VPS53: variants seen among roughly 807,000 people sequenced by gnomAD.
The protein encoded by VPS53 is VPS53 subunit of GARP complex, also known as vacuolar protein sorting-associated protein 53 homolog.
A neutral mutation model predicts 107.0 loss-of-function variants in VPS53; 70 were observed. The observed-to-expected ratio is 0.65, with a 90% CI of 0.54 to 0.80. The LOEUF is 0.80. Among genes scored for constraint, VPS53 ranks in the 30% least tolerant of loss-of-function variants. The probability of loss-of-function intolerance (pLI) is 0.00; values close to 1 mark genes in which losing one functional copy is unlikely to be tolerated. For missense variants in VPS53, 917 were observed against 1,049.4 expected (o/e 0.87, Z 1.74); for synonymous variants, 409 against 393.3 (o/e 1.04, Z -0.47).
Position 607,798 on chromosome 17 carries a change from T to C in VPS53, c.1117-5902A>G, listed in dbSNP as rs117020358. Reference sequence around the variant, plus strand: ...ATATAGCAAGTTAATCCCTACTGATTAAATCACAGGGGATTCCCAGCACCT... The same window carrying C: ...ATATAGCAAGTTAATCCCTACTGATCAAATCACAGGGGATTCCCAGCACCT... On this transcript the variant is annotated intron_variant, in intron 11 of 21. Coordinates refer to ENST00000437048, the MANE Select transcript of VPS53 (RefSeq NM_001128159.3). 1.6e-4 allele frequency among the ~76,000 whole-genome samples: 24 copies of C among 152,262 alleles called. No homozygotes were observed. The East Asian group carries it at 4.2e-3, about 27-fold the overall frequency.
At chr17:571,538 C>CCTTTTA (rs1914073226) in intron 13 of VPS53, among the ~76,000 whole-genome samples, 1 of 114,742 alleles carries the variant, frequency 8.7e-6, no homozygotes, top group African/African-American at 3.0e-5. Flanking sequence ...CTACGGTCTC[C>CCTTTTA]CTCTCCCCAC....
chr17:694,308 G>A (rs930030088), intron 4 of VPS53, among the ~76,000 whole-genome samples: 1 of 152,272 alleles, frequency 6.6e-6, no homozygotes, highest in East Asian at 1.9e-4. Context: ...CTATTAATAC[G>A]GGATGGGGGA....
At chr17:691,255 T>C (rs1320887158) in intron 4 of VPS53, among the ~76,000 whole-genome samples, 1 of 152,210 alleles carries the variant, frequency 6.6e-6, no homozygotes, top group African/African-American at 2.4e-5. Flanking sequence ...AGAACTAAGA[T>C]CAACAAGAAG....
At chr17:578,258 G>GA (rs1914821350) in intron 13 of VPS53, among the ~76,000 whole-genome samples, 1 of 151,816 alleles carries the variant, frequency 6.6e-6, no homozygotes, top group Non-Finnish European at 1.5e-5. Context: ...TCCTCCCTCA[G>GA]AATTTAATGC....
At chr17:631,011 C>T (rs1969936045) in intron 8 of VPS53, among the ~76,000 whole-genome samples, 1 of 152,072 alleles carries the variant, frequency 6.6e-6, no homozygotes, top group Admixed American at 6.6e-5. Context: ...ACCAACAGCT[C>T]CCAAGTGAAA....
intron 19 of VPS53, among the ~76,000 whole-genome samples, chr17:529,865 C>T (rs1327847358): frequency 7.4e-6 from 1 of 135,210 alleles, no homozygotes; most frequent in Non-Finnish European, 1.5e-5. Flanking sequence ...GACCCTATAT[C>T]TACCAAAAAA....
At chr17:681,397 A>G (rs1597481233) in intron 4 of VPS53, among the ~76,000 whole-genome samples, 1 of 152,188 alleles carries the variant, frequency 6.6e-6, no homozygotes, top group South Asian at 2.1e-4. Flanking sequence ...AGCCTCCCCA[A>G]GTGCTGGGAT....
At position 644,900 on chromosome 17, in the gene VPS53, A is replaced by C. The variant is rs1597428152; in HGVS notation, c.608+8391T>G. ...TGCCCAGCCTTTTTAGTGTTACTTA[A>C]TAGCACATATTCTGTATTAACCTAC... is the stretch of plus-strand genomic sequence containing the variant. On this transcript the variant is annotated intron_variant, in intron 7 of 21. Coordinates refer to ENST00000437048, the MANE Select transcript of VPS53 (RefSeq NM_001128159.3). 2.0e-5 allele frequency among the ~76,000 whole-genome samples: 3 copies of C among 152,232 alleles called. No homozygotes were observed. In the East Asian group the frequency reaches 5.8e-4, roughly 29 times the overall value.
At chr17:556,158 A>G (rs1455019662) in intron 15 of VPS53, among the ~76,000 whole-genome samples, 2 of 152,164 alleles carry the variant, frequency 1.3e-5, no homozygotes, top group Non-Finnish European at 2.9e-5. Flanking sequence ...AGGTGCCTGA[A>G]GTCCCAGTGT....
chr17:594,699 G>C (rs1218018862), intron 12 of VPS53, among the ~76,000 whole-genome samples: 1 of 119,666 alleles, frequency 8.4e-6, no homozygotes, highest in African/African-American at 3.3e-5. Flanking sequence ...GCTGGGAGAT[G>C]GGAAGGGGTC....
intron 5 of VPS53, among the ~76,000 whole-genome samples, chr17:658,135 G>A (rs1971276344): frequency 6.8e-6 from 1 of 147,088 alleles, no homozygotes; most frequent in Non-Finnish European, 1.5e-5. Context: ...ACTAAAGTGA[G>A]AAACTCGGCA....
At chr17:638,597 G>T (rs1479665370) in intron 7 of VPS53, among the ~76,000 whole-genome samples, 5 of 152,192 alleles carry the variant, frequency 3.3e-5, no homozygotes, top group East Asian at 3.9e-4. Flanking sequence ...AGGAGCTCTT[G>T]TAGGGCAGGC....
intron 12 of VPS53, among the ~76,000 whole-genome samples, chr17:593,552 G>GA (rs1967791866): frequency 6.6e-6 from 1 of 152,148 alleles, no homozygotes; most frequent in South Asian, 2.1e-4. Context: ...AAAAACACAT[G>GA]AAAAAATGCT....
chr17:611,224 GGCTGGTCTTGAACTCCTGACCT>G (rs1225405703), intron 11 of VPS53, among the ~76,000 whole-genome samples: 1 of 152,142 alleles, frequency 6.6e-6, no homozygotes, highest in Non-Finnish European at 1.5e-5. Flanking sequence ...ATGTTGGCCA[GGCTGGTCTTGAACTCCTGACCT>G]GAGGTGATGC....
In VPS53 at chr17:697,624, G is replaced by C. The variant is rs1252134661; in HGVS notation, c.219-140C>G. On this transcript the variant is annotated intron_variant, in intron 3 of 21. Transcript: ENST00000437048. Reference sequence around the variant, plus strand: ...TCCAGAAAACCAAACATGTGTGAGTGGCATCAGGCAGGAGGAGGGCAGCGA... The same window carrying C: ...TCCAGAAAACCAAACATGTGTGAGTCGCATCAGGCAGGAGGAGGGCAGCGA... 3.5e-5 allele frequency: 24 copies of C among 688,866 alleles called. No homozygotes were observed. In the South Asian group the frequency reaches 4.1e-4, roughly 12 times the overall value. 42.7% of individuals were successfully genotyped at this position (688,866 alleles called of 1,614,324 possible).
chr17:546,799 A>C (rs978695178), intron 17 of VPS53, among the ~76,000 whole-genome samples: 1 of 151,686 alleles, frequency 6.6e-6, no homozygotes, highest in Non-Finnish European at 1.5e-5. Flanking sequence ...ACAGTGTGGC[A>C]CTTTCTCAAA....
intron 17 of VPS53, among the ~76,000 whole-genome samples, chr17:551,171 C>A (rs1376359998): frequency 6.6e-6 from 1 of 151,934 alleles, no homozygotes; most frequent in African/African-American, 2.4e-5. Context: ...ATGGTCTGTG[C>A]ACTTACGGAA....
Position 579,557 on chromosome 17 carries a change from T to C in VPS53, c.1313+6713A>G, listed in dbSNP as rs1463737985. Among the ~76,000 whole-genome samples, 11 of 149,300 alleles carry C rather than the reference T, an allele frequency of 7.4e-5. No individual in the cohort carries two copies. The South Asian group carries it at 1.5e-3, about 20-fold the overall frequency. ...CAGAGAACTTCCCTCAGGACCTCAA[T>C]GTGTTCTCAGAGATCCTCCCTCATG... On this transcript the variant is annotated intron_variant, in intron 13 of 21. Coordinates refer to ENST00000437048, the MANE Select transcript of VPS53 (RefSeq NM_001128159.3).
intron 12 of VPS53, among the ~76,000 whole-genome samples, chr17:593,636 G>T (rs944107513): frequency 1.3e-5 from 2 of 152,164 alleles, no homozygotes; most frequent in African/African-American, 2.4e-5. Context: ...TTAGAATGGC[G>T]ATCATTAAAA....
Sources: allele counts gnomAD v4.1 joint callset (sites outside exome capture counted in the v4.1 genomes callset), GRCh38; gene constraint gnomAD v4.1.1; transcripts MANE v1.5; gene names NCBI Gene and HGNC (gene_info 2026-07-23, HGNC 2026-07-21).